SMIM14: variants seen among roughly 807,000 people sequenced by gnomAD.
The protein encoded by SMIM14 is chromosome 4 open reading frame 34.
Under a neutral mutation model 12.6 loss-of-function variants are expected in SMIM14, and 5 were observed. That is an observed-to-expected ratio of 0.40 (90% CI 0.21 to 0.83). SMIM14 has a LOEUF of 0.83. Ranked by LOEUF, SMIM14 falls within the 40% of genes least tolerant of loss-of-function variation. SMIM14 has a pLI of 0.37. For missense variants in SMIM14, 86 were observed against 119.1 expected (o/e 0.72, Z 1.29); for synonymous variants, 30 against 40.1 (o/e 0.75, Z 0.95).
intron 2 of SMIM14, among the ~76,000 whole-genome samples, chr4:39,599,793 G>T (rs981160214): frequency 6.6e-6 from 1 of 151,866 alleles, no homozygotes; most frequent in Non-Finnish European, 1.5e-5. Context: ...ATGGTAGCGC[G>T]CACCTATAGT....
At chr4:39,554,648 A>AT (rs1711906499) in intron 4 of SMIM14, among the ~76,000 whole-genome samples, 1 of 111,678 alleles carries the variant, frequency 9.0e-6, no homozygotes, top group Non-Finnish European at 1.8e-5. Context: ...TATCATGGAA[A>AT]TTTTCCTTTT....
rs1383272571 is a variant in SMIM14 at position 39,605,151 on chromosome 4, C to G, written c.-6G>C. The G allele has an allele frequency of 1.3e-6, 2 of 1,599,704 alleles. No homozygotes were observed. The highest frequency in any genetic ancestry group is 2.7e-5 in the African/African-American group (2 of 74,372). On this transcript the variant is annotated 5_prime_UTR_variant, in exon 2 of 5. Transcript: ENST00000295958. ...TCAAATCCACCTTCTGCCATGATTACCCAGCTTGATTTTACTTGACTGTTT... is the reference window on the plus strand; with the variant it reads ...TCAAATCCACCTTCTGCCATGATTAGCCAGCTTGATTTTACTTGACTGTTT...
chr4:39,595,539 A>T (rs988083743), intron 2 of SMIM14, among the ~76,000 whole-genome samples: 4 of 152,024 alleles, frequency 2.6e-5, no homozygotes, highest in African/African-American at 9.7e-5. Flanking sequence ...ATGTACCCTA[A>T]AACTTAAAGT....
At chr4:39,589,948 G>A (rs561838050) in intron 2 of SMIM14, among the ~76,000 whole-genome samples, 1 of 140,018 alleles carries the variant, frequency 7.1e-6, no homozygotes, top group Non-Finnish European at 1.5e-5. Context: ...GCTGAGACAT[G>A]AGAGGCAGAG....
chr4:39,630,468 T>G (rs2109256712), intron 1 of SMIM14, among the ~76,000 whole-genome samples: 1 of 152,294 alleles, frequency 6.6e-6, no homozygotes, highest in East Asian at 1.9e-4. Context: ...ACTCACAGCC[T>G]CTTTCTTCCA....
rs534413674 is a variant in SMIM14 at position 39,638,724 on chromosome 4, G to A, written c.-36+15C>T. On this transcript the variant is annotated intron_variant, in intron 1 of 4. Coordinates refer to ENST00000295958, the MANE Select transcript of SMIM14 (RefSeq NM_174921.3). ...TGAGCCAGCAAACGCTGGTGGGAGA[G>A]GGGGAGACACTCACCCGCCCAGACA... 1.1e-5 allele frequency: 11 copies of A among 985,440 alleles called. No individual in the cohort carries two copies. The East Asian group carries it at 3.4e-4, about 30-fold the overall frequency. 61.0% of individuals were successfully genotyped at this position (985,440 alleles called of 1,614,324 possible).
intron 1 of SMIM14, among the ~76,000 whole-genome samples, chr4:39,631,455 G>A (rs953704877): frequency 1.3e-5 from 2 of 151,396 alleles, no homozygotes; most frequent in South Asian, 2.1e-4. Flanking sequence ...TCAGGAGATC[G>A]AGACCATCCT....
rs28756119 is a variant in SMIM14 at position 39,553,946 on chromosome 4, T to A, written c.268-1788A>T. On this transcript the variant is annotated intron_variant, in intron 4 of 4. Transcript: ENST00000295958. The stretch of plus-strand genomic sequence containing the variant: ...ATGCTACGTATCTTTTTTGTGTATG[T>A]TTTTCGTTTTGATTTTTTTTCTTTC... Among the ~76,000 whole-genome samples, 473 of 152,250 alleles carry A rather than the reference T, an allele frequency of 3.1e-3. 3 individuals are homozygous for A. The highest frequency in any genetic ancestry group is 0.011 in the African/African-American group (446 of 41,546).
At chr4:39,575,877 G>A (rs935483952) in intron 2 of SMIM14, among the ~76,000 whole-genome samples, 6 of 150,794 alleles carry the variant, frequency 4.0e-5, no homozygotes, top group Non-Finnish European at 7.4e-5. Context: ...TTACAGGCGT[G>A]AGCCACCATA....
chr4:39,632,528 T>A (rs1331763197), intron 1 of SMIM14, among the ~76,000 whole-genome samples: 1 of 147,142 alleles, frequency 6.8e-6, no homozygotes, highest in Non-Finnish European at 1.5e-5. Flanking sequence ...GTGCAATGGC[T>A]CACACCTGTA....
In SMIM14 at chr4:39,546,590, T is replaced by C. The variant is rs1264432725; in HGVS notation, c.*5536A>G. On this transcript the variant is annotated 3_prime_UTR_variant, in exon 5 of 5. Coordinates refer to ENST00000295958, the MANE Select transcript of SMIM14 (RefSeq NM_174921.3). The stretch of plus-strand genomic sequence containing the variant: ...TGAAATGCCAAGACCAAAAAACTTA[T>C]TTTATTTGAATTCCATTTTCTGAGA... 6.6e-6 allele frequency: 1 copy of C among 152,226 alleles called. No individual in the cohort carries two copies. The highest frequency in any genetic ancestry group is 1.5e-5 in the Non-Finnish European group (1 of 68,012). The allele number at this position is 152,226 out of a possible 1,614,324, so 9.4% of individuals were successfully genotyped here.
intron 2 of SMIM14, among the ~76,000 whole-genome samples, chr4:39,579,028 A>G (rs1713355346): frequency 6.6e-6 from 1 of 150,574 alleles, no homozygotes; most frequent in Admixed American, 6.7e-5. Context: ...GCATAATATG[A>G]GTAAAGCAGT....
intron 2 of SMIM14, among the ~76,000 whole-genome samples, chr4:39,581,707 C>A (rs1376373447): frequency 6.7e-6 from 1 of 150,250 alleles, no homozygotes. Context: ...GAACCTCAGG[C>A]GCACAACCAC....
At chr4:39,584,718 C>G (rs994750591) in intron 2 of SMIM14, among the ~76,000 whole-genome samples, 8 of 141,944 alleles carry the variant, frequency 5.6e-5, no homozygotes, top group Non-Finnish European at 1.2e-4. Context: ...ACGGTTTGAA[C>G]CTAGGAGGCA....
At chr4:39,628,400 C>T (rs540706480) in intron 1 of SMIM14, among the ~76,000 whole-genome samples, 40 of 151,596 alleles carry the variant, frequency 2.6e-4, no homozygotes, top group African/African-American at 9.2e-4. Flanking sequence ...TGTGACCAGG[C>T]GCGGTGGCTC....
In SMIM14 at chr4:39,568,977, T is replaced by C. The variant is rs904110869; in HGVS notation, c.124+3438A>G. Among the ~76,000 whole-genome samples the C allele has an allele frequency of 3.3e-5, 5 of 152,190 alleles. No individual in the cohort carries two copies. In the South Asian group the frequency reaches 6.2e-4, roughly 19 times the overall value. Reference sequence around the variant, plus strand: ...GACATTTTACCCACAGGAATGACTATATTTGGTTATAGGCGGGGCTGGTTA... The same window carrying C: ...GACATTTTACCCACAGGAATGACTACATTTGGTTATAGGCGGGGCTGGTTA... On this transcript the variant is annotated intron_variant, in intron 3 of 4. Transcript: ENST00000295958.
intron 1 of SMIM14, among the ~76,000 whole-genome samples, chr4:39,609,045 C>T (rs895538076): frequency 1.3e-5 from 2 of 152,118 alleles, no homozygotes; most frequent in Non-Finnish European, 2.9e-5. Flanking sequence ...GTCATGATCT[C>T]GGCTCACTGA....
At chr4:39,619,753 AT>A (rs1411790957) in intron 1 of SMIM14, among the ~76,000 whole-genome samples, 10 of 135,838 alleles carry the variant, frequency 7.4e-5, no homozygotes, top group African/African-American at 1.7e-4. Context: ...AATATAATTT[AT>A]TATATATATA....
At chr4:39,557,026 T>C (rs1712050562) in intron 3 of SMIM14, among the ~76,000 whole-genome samples, 1 of 151,420 alleles carries the variant, frequency 6.6e-6, no homozygotes, top group African/African-American at 2.4e-5. Context: ...TTTTTTTTTT[T>C]TTTTTTGAGA....
Sources: gnomAD v4.1 joint callset for allele counts (sites outside exome capture counted in the v4.1 genomes callset) on GRCh38, gnomAD v4.1.1 for gene constraint, MANE v1.5 for transcripts, NCBI Gene and HGNC (gene_info 2026-07-23, HGNC 2026-07-21) for gene names.